The following NEK11 variants were observed in gnomAD, a reference collection of about 807,000 sequenced individuals.
NEK11 encodes serine/threonine-protein kinase Nek11.
Under a neutral mutation model 80.7 loss-of-function variants are expected in NEK11, and 72 were observed. That is an observed-to-expected ratio of 0.89 (90% confidence interval 0.74 to 1.08). NEK11 has a LOEUF of 1.08. Ranked by LOEUF, NEK11 falls within the 50% of genes least tolerant of loss-of-function variation. NEK11 has a pLI of 0.00. For synonymous variants in NEK11, 251 were observed against 260.7 expected, an observed-to-expected ratio of 0.96 and a Z score of 0.36; for missense variants, 764 against 763.6, an observed-to-expected ratio of 1.00 and a Z score of -0.01.
intron 14 of NEK11, among the ~76,000 whole-genome samples, chr3:131,221,182 G>C (rs994862618): frequency 1.3e-5 from 2 of 152,140 alleles, no homozygotes; most frequent in Admixed American, 1.3e-4. Flanking sequence ...ATCATGTGTT[G>C]GGGATACCAT....
chr3:131,048,551 T>C (rs944430063), intron 3 of NEK11, among the ~76,000 whole-genome samples: 2 of 152,214 alleles, frequency 1.3e-5, no homozygotes, highest in African/African-American at 4.8e-5. Flanking sequence ...CCTTCTGTGA[T>C]CTGGACCTTC....
chr3:131,337,826 AG>A (rs1394536503), intron 17 of NEK11, among the ~76,000 whole-genome samples: 2 of 152,210 alleles, frequency 1.3e-5, no homozygotes, highest in Non-Finnish European at 2.9e-5. Flanking sequence ...TTAGTGGTTA[AG>A]ATACTTAACA....
At chr3:131,037,786 A>G (rs750804400) in intron 3 of NEK11, among the ~76,000 whole-genome samples, 1 of 152,076 alleles carries the variant, frequency 6.6e-6, no homozygotes, top group Non-Finnish European at 1.5e-5. Flanking sequence ...TTTACTTTCA[A>G]TTTTGAGTCA....
rs542202579 is a variant in NEK11 at position 131,341,991 on chromosome 3, G to A, written c.1719-7566G>A. Among the ~76,000 whole-genome samples the A allele has an allele frequency of 4.8e-4, 73 of 152,270 alleles. 2 individuals carry two copies. In the South Asian group the frequency reaches 0.015, roughly 31 times the overall value. On this transcript the variant is annotated intron_variant, in intron 17 of 17. Coordinates refer to ENST00000383366, the MANE Select transcript of NEK11 (RefSeq NM_024800.5). ...ATTATGAATGATGGTGGGTATTTAA[G>A]TCACAATTAAAATAATCCTTTTAGA...
chr3:131,327,902 A>ATTTG (rs920050085), intron 17 of NEK11, among the ~76,000 whole-genome samples: 3 of 151,684 alleles, frequency 2.0e-5, no homozygotes, highest in Non-Finnish European at 2.9e-5. Context: ...AAATTACCTT[A>ATTTG]TTTGTTTACT....
chr3:131,324,523 T>C (rs1158443570), intron 17 of NEK11, among the ~76,000 whole-genome samples: 1 of 152,236 alleles, frequency 6.6e-6, no homozygotes, highest in African/African-American at 2.4e-5. Context: ...TTTTATCTTC[T>C]GATCTTTGCT....
Position 131,318,863 on chromosome 3 carries a change from T to C in NEK11, c.1719-30694T>C, listed in dbSNP as rs191771786. On this transcript the variant is annotated intron_variant, in intron 17 of 17. Coordinates refer to ENST00000383366, the MANE Select transcript of NEK11 (RefSeq NM_024800.5). ...ATTTGAATAACTTAGGACATTCTGG[T>C]GATGTAATGCTAATTGAACTAATGT... is the stretch of plus-strand genomic sequence containing the variant. Among the ~76,000 whole-genome samples, 3 of 151,866 alleles carry C rather than the reference T, an allele frequency of 2.0e-5. No homozygotes were observed. The East Asian group carries it at 5.8e-4, about 29-fold the overall frequency.
chr3:131,348,800 C>A (rs1204618684), intron 17 of NEK11, among the ~76,000 whole-genome samples: 1 of 151,742 alleles, frequency 6.6e-6, no homozygotes, highest in Non-Finnish European at 1.5e-5. Context: ...CCCTTTTAAG[C>A]CTCAGTTTCT....
chr3:131,122,122 T>C (rs1225267209), intron 5 of NEK11, among the ~76,000 whole-genome samples: 1 of 152,204 alleles, frequency 6.6e-6, no homozygotes, highest in Non-Finnish European at 1.5e-5. Flanking sequence ...ACCTCCTCCC[T>C]GTTGTGTTTT....
intron 4 of NEK11, among the ~76,000 whole-genome samples, chr3:131,101,995 T>C (rs1292147168): frequency 1.3e-5 from 2 of 152,210 alleles, no homozygotes; most frequent in African/African-American, 4.8e-5. Flanking sequence ...TTCTCCTTAA[T>C]TTTTGTTGGT....
chr3:131,264,127 G>T (rs1193718516), intron 16 of NEK11, among the ~76,000 whole-genome samples: 1 of 152,290 alleles, frequency 6.6e-6, no homozygotes, highest in East Asian at 1.9e-4. Context: ...TTTGTCAGAT[G>T]AGTAGATTGT....
intron 11 of NEK11, among the ~76,000 whole-genome samples, chr3:131,163,053 T>A (rs2091828861): frequency 2.0e-5 from 3 of 152,168 alleles, no homozygotes. Context: ...ATATCACTAG[T>A]AATTAGAGTA....
intron 17 of NEK11, among the ~76,000 whole-genome samples, chr3:131,337,323 G>A (rs1231232914): frequency 1.3e-5 from 2 of 152,196 alleles, no homozygotes; most frequent in Admixed American, 6.5e-5. Context: ...TAGGGACATG[G>A]ATGAAATTGG....
chr3:131,031,561 A>T (rs2064848773), intron 3 of NEK11, among the ~76,000 whole-genome samples: 2 of 152,238 alleles, frequency 1.3e-5, no homozygotes, highest in Admixed American at 1.3e-4. Context: ...GTAAAATAAG[A>T]TGTATGAAGA....
At chr3:131,286,320 T>G (rs908656203) in intron 17 of NEK11, among the ~76,000 whole-genome samples, 1 of 152,214 alleles carries the variant, frequency 6.6e-6, no homozygotes, top group Non-Finnish European at 1.5e-5. Context: ...ATGTTCATAG[T>G]GCCAAGGCTT....
intron 3 of NEK11, among the ~76,000 whole-genome samples, chr3:131,032,125 C>A (rs949617029): frequency 2.6e-5 from 4 of 152,048 alleles, no homozygotes; most frequent in Non-Finnish European, 5.9e-5. Context: ...CCACACCTGG[C>A]TAATTTTTGT....
At position 131,297,614 on chromosome 3, in the gene NEK11, T is replaced by G. The variant is rs1323822838; in HGVS notation, c.1718+24040T>G. On this transcript the variant is annotated intron_variant, in intron 17 of 17. Coordinates refer to ENST00000383366, the MANE Select transcript of NEK11 (RefSeq NM_024800.5). ...AAAATTTTCTCCTATTTTGTAGGTTTCCTGTTCACTCTGATGGTAGTTTCT... is the reference window on the plus strand; with the variant it reads ...AAAATTTTCTCCTATTTTGTAGGTTGCCTGTTCACTCTGATGGTAGTTTCT... Among the ~76,000 whole-genome samples, 8 of 152,290 alleles carry G rather than the reference T, an allele frequency of 5.3e-5. No individual in the cohort carries two copies. The East Asian group carries it at 7.7e-4, about 15-fold the overall frequency.
chr3:131,081,203 T>C (rs1157498164), intron 4 of NEK11, among the ~76,000 whole-genome samples: 1 of 152,236 alleles, frequency 6.6e-6, no homozygotes, highest in African/African-American at 2.4e-5. Flanking sequence ...TAGAATGGTC[T>C]GATGCTTAGA....
At chr3:131,031,945 C>G (rs1230403369) in intron 3 of NEK11, among the ~76,000 whole-genome samples, 1 of 150,842 alleles carries the variant, frequency 6.6e-6, no homozygotes, top group East Asian at 1.9e-4. Context: ...GGTAGTGTTT[C>G]TTTTTAGTAA....
Sources: allele counts gnomAD v4.1 joint callset (sites outside exome capture counted in the v4.1 genomes callset), GRCh38; gene constraint gnomAD v4.1.1; transcripts MANE v1.5; gene names NCBI Gene and HGNC (gene_info 2026-07-23, HGNC 2026-07-21).